MRPS24: variants seen among roughly 807,000 people sequenced by gnomAD.
The protein encoded by MRPS24 is mitochondrial ribosomal protein S24, also known as small ribosomal subunit protein uS3m.
A neutral mutation model predicts 21.8 loss-of-function variants in MRPS24; 15 were observed. The ratio of observed to expected loss-of-function variants is 0.69; its 90% CI spans 0.46 to 1.06. The LOEUF (loss-of-function observed/expected upper bound fraction) is 1.06, where lower values mean the gene tolerates loss of function less well. MRPS24 is among the 50% of genes least tolerant of loss of function. MRPS24 has a pLI of 0.00. For missense variants in MRPS24, 224 were observed against 219.1 expected (o/e 1.02, Z -0.14); for synonymous variants, 93 against 93.7 (o/e 0.99, Z 0.04).
chr7:43,869,463 C>T lies in MRPS24; in HGVS notation c.33G>A (p.Gly11=). Residue 11 remains glycine, a synonymous_variant, in exon 1 of 4, where the codon GGG becomes GGA. Transcript: ENST00000317534. This position sits in a 1 kb window ranked among gnomAD's most constrained non-coding sequence, Gnocchi z 4.8. ...GCCGAGTCGCCCCACTCACCCGTGG[C>T]CCCAGCAACCCGCTGCACACGGAGG... The part of the protein sequence containing the change: MAASVCSGLL[G]PRVLSWSREL... 6.4e-7 allele frequency: 1 copy of T among 1,566,570 alleles called. No homozygotes were observed. The highest frequency in any genetic ancestry group is 2.4e-5 in the East Asian group (1 of 42,102).
chr7:43,866,997 G>C lies in MRPS24; in HGVS notation c.221-15C>G, dbSNP rs755710759. On this transcript the variant is annotated splice_polypyrimidine_tract_variant and intron_variant, in intron 3 of 3. Transcript: ENST00000317534. ...ATCCAGGTTACCTGAAGAGGGAAGGGCATAATAGAAGAATCAGCCTCATTG... is the reference window on the plus strand; with the variant it reads ...ATCCAGGTTACCTGAAGAGGGAAGGCCATAATAGAAGAATCAGCCTCATTG... 8.1e-6 allele frequency: 13 copies of C among 1,611,798 alleles called. No individual in the cohort carries two copies. The highest frequency in any genetic ancestry group is 1.1e-5 in the Non-Finnish European group (13 of 1,178,446).
chr7:43,869,353 C>T lies in MRPS24; in HGVS notation c.63G>A (p.Leu21=). ...GPRVLSWSRE[L]PCAWRALHTS... is the part of the protein sequence containing the mutation. ...TGTGCAGGGCGCGCCAAGCGCAAGG[C>T]AGCTCTCGGCTCCAGGACAGCACCT... The change falls in exon 2 of 4, where the codon CTG becomes CTA. Residue 21 remains leucine, a synonymous_variant. Coordinates refer to ENST00000317534, the MANE Select transcript of MRPS24 (RefSeq NM_032014.3). This position sits in a 1 kb window ranked among gnomAD's most constrained non-coding sequence, Gnocchi z 4.8. The T allele has an allele frequency of 1.3e-6, 2 of 1,549,222 alleles. No homozygotes were observed. The highest frequency in any genetic ancestry group is 2.4e-5 in the South Asian group (2 of 84,038).
chr7:43,869,479 C>G lies in MRPS24; in HGVS notation c.17G>C (p.Cys6Ser), dbSNP rs752933133. The change falls in exon 1 of 4, where the codon TGC (cysteine) becomes TCC (serine). Residue 6 changes from cysteine (C) to serine (S), a missense_variant. Coordinates refer to ENST00000317534, the MANE Select transcript of MRPS24 (RefSeq NM_032014.3). This position sits in a 1 kb window ranked among gnomAD's most constrained non-coding sequence, Gnocchi z 4.8. ...CACCCGTGGCCCCAGCAACCCGCTG[C>G]ACACGGAGGCCGCCATCTTGGGCCA... MAASV[C>S]SGLLGPRVLS... The G allele has an allele frequency of 4.5e-6, 7 of 1,569,888 alleles. No homozygotes were observed. The highest frequency in any genetic ancestry group is 6.0e-6 in the Non-Finnish European group (7 of 1,158,962).
Position 43,869,064 on chromosome 7 carries a change from G to A in MRPS24, c.119C>T (p.Ala40Val), listed in dbSNP as rs2095838673. 1 of 1,612,442 alleles carries A rather than the reference G, an allele frequency of 6.2e-7. No homozygotes were observed. Among genetic ancestry groups the A allele is most frequent in the African/African-American group, 1.3e-5 (1 of 74,914 alleles). ...TSPVCAKNRA[A>V]RVRVSKGDKP... Reference sequence around the variant, plus strand: ...GTCCCCCTTGCTTACGCGTACTCGGGCCGCCCGGTTCTAGGAGCAAAAGGG... The same window carrying A: ...GTCCCCCTTGCTTACGCGTACTCGGACCGCCCGGTTCTAGGAGCAAAAGGG... Residue 40 changes from alanine to valine, a missense_variant, in exon 3 of 4, where the codon GCC (alanine) becomes GTC (valine). By Grantham distance (64) the Ala-to-Val change is moderately conservative. Coordinates refer to ENST00000317534, the MANE Select transcript of MRPS24 (RefSeq NM_032014.3). The surrounding 1 kb of genome is among the most constrained non-coding windows in gnomAD (Gnocchi z 4.8).
chr7:43,868,957 G>A lies in MRPS24; in HGVS notation c.220+6C>T, dbSNP rs374809719. ...TGCTCCTTTTGGAGGCCTGGGGTCCGCTCACCTGTGTGCAGCGACAGCCAG... is the reference window on the plus strand; with the variant it reads ...TGCTCCTTTTGGAGGCCTGGGGTCCACTCACCTGTGTGCAGCGACAGCCAG... On this transcript the variant is annotated splice_donor_region_variant and intron_variant, in intron 3 of 3. Transcript: ENST00000317534. 1.4e-5 allele frequency: 22 copies of A among 1,613,022 alleles called. No homozygotes were observed. The African/African-American group carries it at 2.7e-4, about 20-fold the overall frequency.
chr7:43,868,393 G>A (rs563407512), intron 3 of MRPS24: 1 of 152,330 alleles, frequency 6.6e-6, no homozygotes, highest in East Asian at 1.9e-4. Flanking sequence ...CATGCACCTG[G>A]GGTGGCAGCT....
intron 3 of MRPS24, 95 bp downstream of exon 3, chr7:43,868,868 A>G: frequency 4.1e-6 from 6 of 1,449,490 alleles, no homozygotes; most frequent in Non-Finnish European, 3.7e-6. Flanking sequence ...CCCTAGCATT[A>G]TTTCCTGAGT....
At position 43,868,974 on chromosome 7, in the gene MRPS24, G is replaced by C. The variant is rs1316353806; in HGVS notation, c.209C>G (p.Ser70Trp). The C allele has an allele frequency of 6.2e-7, 1 of 1,613,902 alleles. No homozygotes were observed. The highest frequency in any genetic ancestry group is 8.5e-7 in the Non-Finnish European group (1 of 1,179,942). The stretch of plus-strand genomic sequence containing the variant: ...TGGGGTCCGCTCACCTGTGTGCAGC[G>C]ACAGCCAGCCTTTACGGTGGGCGAT... Reference protein sequence around the residue: ...HYIAHRKGWLSLHTGNLDGED... With the variant: ...HYIAHRKGWLWLHTGNLDGED... The change falls in exon 3 of 4, where the codon TCG becomes TGG. Residue 70 changes from serine (S) to tryptophan (W), a missense_variant. By Grantham distance (177) the Ser-to-Trp change is radical. Coordinates refer to ENST00000317534, the MANE Select transcript of MRPS24 (RefSeq NM_032014.3).
rs1258117156 is a variant in MRPS24 at position 43,869,362 on chromosome 7, G to A, written c.54C>T (p.Ser18=). Residue 18 remains serine (S), a synonymous_variant, in exon 2 of 4, where the codon AGC becomes AGT. Coordinates refer to ENST00000317534, the MANE Select transcript of MRPS24 (RefSeq NM_032014.3). The surrounding 1 kb of genome is among the most constrained non-coding windows in gnomAD (Gnocchi z 4.8). The part of the protein sequence containing the change: ...GLLGPRVLSW[S]RELPCAWRAL... ...CGCGCCAAGCGCAAGGCAGCTCTCGGCTCCAGGACAGCACCTGTGGAGGGA... is the reference window on the plus strand; with the variant it reads ...CGCGCCAAGCGCAAGGCAGCTCTCGACTCCAGGACAGCACCTGTGGAGGGA... 1.3e-6 allele frequency: 2 copies of A among 1,549,458 alleles called. No homozygotes were observed. The highest frequency in any genetic ancestry group is 1.4e-5 in the African/African-American group (1 of 73,032).
Position 43,866,813 on chromosome 7 carries a change from G to A in MRPS24, c.390C>T (p.His130=). ...TGTAGCCCACGAGGAAGTAGTACTT[G>A]TGTGGAGACAACTGCCTCAGGACCA... ...CAVVLRQLSP[H]KYYFLVGYSE... The change falls in exon 4 of 4, where the codon CAC becomes CAT. Residue 130 remains histidine (H), a synonymous_variant. Transcript: ENST00000317534. 1 of 1,614,248 alleles carries A rather than the reference G, an allele frequency of 6.2e-7. No individual in the cohort carries two copies.
chr7:43,867,431 A>G (rs910268947), intron 3 of MRPS24: 3 of 175,836 alleles, frequency 1.7e-5, no homozygotes, highest in African/African-American at 7.2e-5. Flanking sequence ...GATCCCCTGC[A>G]GCCCTTACAA....
Position 43,869,166 on chromosome 7 carries a change from G to C in MRPS24, c.109-92C>G. ...CCCCAGTCAGCTGGCACTGTTCCCC[G>C]GCCCCAATCCCCTGATCCCTAAGCC... On this transcript the variant is annotated intron_variant, in intron 2 of 3. Coordinates refer to ENST00000317534, the MANE Select transcript of MRPS24 (RefSeq NM_032014.3). This position sits in a 1 kb window ranked among gnomAD's most constrained non-coding sequence, Gnocchi z 4.8. 6 of 1,488,664 alleles carry C rather than the reference G, an allele frequency of 4.0e-6. No individual in the cohort carries two copies. The highest frequency in any genetic ancestry group is 5.4e-6 in the Non-Finnish European group (6 of 1,119,796). 92.2% of individuals were successfully genotyped at this position (1,488,664 alleles called of 1,614,324 possible).
chr7:43,869,500 G>A lies in MRPS24; in HGVS notation c.-5C>T, dbSNP rs769616191. The A allele has an allele frequency of 5.1e-6, 8 of 1,566,266 alleles. No individual in the cohort carries two copies. Among genetic ancestry groups the A allele is most frequent in the Admixed American group, 3.7e-5 (2 of 54,128 alleles). Reference sequence around the variant, plus strand: ...GCTGCACACGGAGGCCGCCATCTTGGGCCAAGCGGAGCGCGGGACGTACCA... The same window carrying A: ...GCTGCACACGGAGGCCGCCATCTTGAGCCAAGCGGAGCGCGGGACGTACCA... On this transcript the variant is annotated 5_prime_UTR_variant, in exon 1 of 4. Coordinates refer to ENST00000317534, the MANE Select transcript of MRPS24 (RefSeq NM_032014.3). This position sits in a 1 kb window ranked among gnomAD's most constrained non-coding sequence, Gnocchi z 4.8.
rs1429621005 is a variant in MRPS24 at position 43,866,947 on chromosome 7, T to C, written c.256A>G (p.Thr86Ala). 1 of 1,614,022 alleles carries C rather than the reference T, an allele frequency of 6.2e-7. No individual in the cohort carries two copies. Among genetic ancestry groups the C allele is most frequent in the Non-Finnish European group, 8.5e-7 (1 of 1,180,012 alleles). ...TTGCGAAGGAAAACATCCTCCACCG[T>C]TCGCTCTGCGGCATGGTCCTCTCCA... ...LDGEDHAAER[T>A]VEDVFLRKFM... is the part of the protein sequence containing the mutation. Residue 86 changes from threonine to alanine, a missense_variant, in exon 4 of 4, where the codon ACG becomes GCG. Physicochemically the swap from Thr to Ala is moderately conservative, Grantham distance 58. Coordinates refer to ENST00000317534, the MANE Select transcript of MRPS24 (RefSeq NM_032014.3).
At chr7:43,867,170 C>G (rs2095837070) in intron 3 of MRPS24, among the ~76,000 whole-genome samples, 188 bp from the exon 4 acceptor site, 2 of 152,326 alleles carry the variant, frequency 1.3e-5, no homozygotes, top group East Asian at 3.9e-4. Flanking sequence ...GTCATTAATT[C>G]CCAAGCCAAT....
In MRPS24 at chr7:43,866,963, G is replaced by A; in HGVS notation, c.240C>T (p.Asp80=). ...CCTCCACCGTTCGCTCTGCGGCATG[G>A]TCCTCTCCATCCAGGTTACCTGAAG... The part of the protein sequence containing the change: ...SLHTGNLDGE[D]HAAERTVEDV... The change falls in exon 4 of 4, where the codon GAC becomes GAT. Residue 80 remains aspartate, a synonymous_variant. Transcript: ENST00000317534. 1.2e-6 allele frequency: 2 copies of A among 1,614,088 alleles called. No homozygotes were observed. The highest frequency in any genetic ancestry group is 1.7e-6 in the Non-Finnish European group (2 of 1,179,998).
chr7:43,869,235 A>G lies in MRPS24; in HGVS notation c.108+73T>C. 1 of 1,478,188 alleles carries G rather than the reference A, an allele frequency of 6.8e-7. No homozygotes were observed. Among genetic ancestry groups the G allele is most frequent in the Non-Finnish European group, 8.9e-7 (1 of 1,119,498 alleles). 91.6% of individuals were successfully genotyped at this position (1,478,188 alleles called of 1,614,324 possible). A position where few individuals can be genotyped will look rare whatever the true frequency, so the allele number is the denominator to read the frequency against. Reference sequence around the variant, plus strand: ...CGGACCCCAGCGACACGCCCCCTTCAGCCCGCACGGCTTCCCCGGCCCCCG... The same window carrying G: ...CGGACCCCAGCGACACGCCCCCTTCGGCCCGCACGGCTTCCCCGGCCCCCG... On this transcript the variant is annotated intron_variant, in intron 2 of 3. Coordinates refer to ENST00000317534, the MANE Select transcript of MRPS24 (RefSeq NM_032014.3). The surrounding 1 kb of genome is among the most constrained non-coding windows in gnomAD (Gnocchi z 4.8).
intron 3 of MRPS24, among the ~76,000 whole-genome samples, 164 bp from the exon 4 acceptor site, chr7:43,867,146 T>TG (rs1203299435): frequency 1.3e-5 from 2 of 152,242 alleles, no homozygotes. Flanking sequence ...ACTTTAAAGT[T>TG]CAAAGTATGT....
chr7:43,869,091 C>T lies in MRPS24; in HGVS notation c.109-17G>A, dbSNP rs755265910. The stretch of plus-strand genomic sequence containing the variant: ...CGCCCGGTTCTAGGAGCAAAAGGGG[C>T]CGTGACTCCACGAGATCCCCGATCC... On this transcript the variant is annotated splice_polypyrimidine_tract_variant and intron_variant, in intron 2 of 3. Coordinates refer to ENST00000317534, the MANE Select transcript of MRPS24 (RefSeq NM_032014.3). This position sits in a 1 kb window ranked among gnomAD's most constrained non-coding sequence, Gnocchi z 4.8. The T allele has an allele frequency of 1.4e-5, 22 of 1,607,604 alleles. No homozygotes were observed. Among genetic ancestry groups the T allele is most frequent in the Non-Finnish European group, 1.3e-5 (15 of 1,178,944 alleles).
Sources: gnomAD v4.1 joint callset for allele counts (sites outside exome capture counted in the v4.1 genomes callset) on GRCh38, gnomAD v4.1.1 for gene constraint, Gnocchi (gnomAD v3.1) non-coding constraint, MANE v1.5 for transcripts, NCBI Gene and HGNC (gene_info 2026-07-23, HGNC 2026-07-21) for gene names.